The following PTPRD variants were observed in gnomAD, a reference collection of about 807,000 sequenced individuals.
PTPRD encodes protein tyrosine phosphatase receptor type D.
PTPRD carries 34 observed loss-of-function variants against 214.5 expected under a neutral mutation model. That is an observed-to-expected ratio of 0.16 (90% confidence interval 0.12 to 0.21). PTPRD has a LOEUF of 0.21. PTPRD is among the 10% of genes least tolerant of loss of function. The pLI, the probability that PTPRD is intolerant of heterozygous loss-of-function variation, is 1.00. For synonymous variants in PTPRD, 1,128 were observed against 845.7 expected (o/e 1.33, Z -5.79); for missense variants, 2,545 against 2,398.7 (o/e 1.06, Z -1.27).
At chr9:9,385,044 A>T (rs1007633139) in intron 9 of PTPRD, among the ~76,000 whole-genome samples, 1 of 152,134 alleles carries the variant, frequency 6.6e-6, no homozygotes, top group Non-Finnish European at 1.5e-5. Flanking sequence ...GGCAATAGGA[A>T]ATTTATTTCC....
intron 2 of PTPRD, among the ~76,000 whole-genome samples, chr9:10,560,682 A>G (rs1464541071): frequency 3.9e-5 from 6 of 152,348 alleles, no homozygotes; most frequent in Non-Finnish European, 5.9e-5. Flanking sequence ...CATACATCCA[A>G]TCCCCAGAAT....
intron 43 of PTPRD, among the ~76,000 whole-genome samples, chr9:8,332,617 A>ATATC (rs1314303461): frequency 1.3e-5 from 2 of 150,914 alleles, no homozygotes; most frequent in African/African-American, 5.0e-5. Context: ...CTCACGAAGT[A>ATATC]TATCTGGGTT....
intron 26 of PTPRD, 56 bp downstream of exon 26, chr9:8,497,186 C>A (rs1592039769): frequency 2.1e-6 from 3 of 1,424,194 alleles, no homozygotes; most frequent in South Asian, 1.3e-5. Flanking sequence ...GAAAGGATGT[C>A]AGAGAAAACA....
rs572496181 is a variant in PTPRD at position 8,984,620 on chromosome 9, G to T, written c.-104+34077C>A. 2.0e-5 allele frequency among the ~76,000 whole-genome samples: 3 copies of T among 152,160 alleles called. No individual in the cohort carries two copies. The South Asian group carries it at 6.2e-4, about 32-fold the overall frequency. ...TCTTCTGACTTCTCAGGCACATTAG[G>T]CTAATTCCAGAAATAGATTCAGTCA... On this transcript the variant is annotated intron_variant, in intron 11 of 45. Coordinates refer to ENST00000381196, the MANE Select transcript of PTPRD (RefSeq NM_002839.4).
intron 4 of PTPRD, among the ~76,000 whole-genome samples, chr9:9,973,053 TA>T (rs1337805637): frequency 6.6e-6 from 1 of 152,106 alleles, no homozygotes; most frequent in East Asian, 1.9e-4. Flanking sequence ...TATTGGAAAG[TA>T]AATTAGAAAA....
At chr9:8,838,563 T>TAAAAA (rs145343455) in intron 11 of PTPRD, among the ~76,000 whole-genome samples, 32,595 of 151,632 alleles carry the variant, frequency 0.21, 3,930 homozygotes, top group East Asian at 0.41. Flanking sequence ...AACTGAAAAA[T>TAAAAA]AAAAGAGAGA....
chr9:8,631,433 G>C (rs1448081730), intron 14 of PTPRD, among the ~76,000 whole-genome samples: 1 of 151,746 alleles, frequency 6.6e-6, no homozygotes, highest in African/African-American at 2.4e-5. Context: ...GATTGCTTTA[G>C]AACTGGTGTT....
At chr9:9,563,737 T>A (rs1272793294) in intron 8 of PTPRD, among the ~76,000 whole-genome samples, 1 of 152,166 alleles carries the variant, frequency 6.6e-6, no homozygotes, top group African/African-American at 2.4e-5. Context: ...GCATCCAATA[T>A]ATGATGTTTG....
chr9:8,507,804 A>C (rs536590856), intron 21 of PTPRD, among the ~76,000 whole-genome samples: 3 of 152,326 alleles, frequency 2.0e-5, no homozygotes, highest in Admixed American at 2.0e-4. Context: ...AGTACAAAAT[A>C]CCTAAAAGTA....
intron 33 of PTPRD, among the ~76,000 whole-genome samples, chr9:8,459,749 G>A (rs1356527565): frequency 6.6e-6 from 1 of 152,008 alleles, no homozygotes; most frequent in Non-Finnish European, 1.5e-5. Flanking sequence ...CAACACATGG[G>A]CATAATAAGA....
chr9:10,351,011 G>C (rs562019929), intron 2 of PTPRD, among the ~76,000 whole-genome samples: 1 of 152,176 alleles, frequency 6.6e-6, no homozygotes, highest in African/African-American at 2.4e-5. Context: ...GGAGCCAAAG[G>C]TCAGTTTTAG....
intron 12 of PTPRD, among the ~76,000 whole-genome samples, chr9:8,699,570 A>C (rs1369393039): frequency 2.0e-5 from 3 of 152,190 alleles, no homozygotes; most frequent in Admixed American, 1.3e-4. Flanking sequence ...AAACATGTTG[A>C]AATTAAAACC....
At chr9:8,704,633 A>G (rs2098163162) in intron 12 of PTPRD, among the ~76,000 whole-genome samples, 1 of 152,118 alleles carries the variant, frequency 6.6e-6, no homozygotes, top group Non-Finnish European at 1.5e-5. Flanking sequence ...GAAGCTTAAG[A>G]CAGGTAAAAT....
chr9:9,710,676 A>G (rs2154423496), intron 7 of PTPRD, among the ~76,000 whole-genome samples: 1 of 152,076 alleles, frequency 6.6e-6, no homozygotes, highest in Admixed American at 6.5e-5. Context: ...ACTAAATTCC[A>G]TTTTCATCTT....
intron 2 of PTPRD, among the ~76,000 whole-genome samples, chr9:10,587,946 T>C (rs2074352499): frequency 6.6e-6 from 1 of 152,084 alleles, no homozygotes; most frequent in Admixed American, 6.6e-5. Context: ...TAAGTTCATA[T>C]TCCTAGTTTA....
chr9:10,366,984 G>A (rs1222077753), intron 2 of PTPRD, among the ~76,000 whole-genome samples: 1 of 151,678 alleles, frequency 6.6e-6, no homozygotes, highest in African/African-American at 2.4e-5. Context: ...TACATGGGTG[G>A]GTTTGCTTTG....
intron 11 of PTPRD, among the ~76,000 whole-genome samples, chr9:8,748,298 GCT>G (rs1247434524): frequency 6.6e-6 from 1 of 151,908 alleles, no homozygotes; most frequent in Non-Finnish European, 1.5e-5. Context: ...TTGCAACTTA[GCT>G]CACACCCAAC....
At chr9:9,197,451 C>T (rs1324633948) in intron 9 of PTPRD, among the ~76,000 whole-genome samples, 2 of 151,994 alleles carry the variant, frequency 1.3e-5, no homozygotes, top group Non-Finnish European at 2.9e-5. Flanking sequence ...CACTCTGTCG[C>T]CCAGACTGGA....
At chr9:10,527,334 A>T (rs2134467045) in intron 2 of PTPRD, among the ~76,000 whole-genome samples, 1 of 152,252 alleles carries the variant, frequency 6.6e-6, no homozygotes, top group South Asian at 2.1e-4. Flanking sequence ...CAAACAAATG[A>T]GATAAGAGAC....
Sources: allele counts gnomAD v4.1 joint callset (sites outside exome capture counted in the v4.1 genomes callset), GRCh38; gene constraint gnomAD v4.1.1; transcripts MANE v1.5; gene names NCBI Gene and HGNC (gene_info 2026-07-23, HGNC 2026-07-21).